DCDC1: variants seen among roughly 807,000 people sequenced by gnomAD.
DCDC1 encodes doublecortin domain containing 1.
DCDC1 carries 200 observed loss-of-function variants against 178.3 expected under a neutral mutation model. That is an observed-to-expected ratio of 1.12 (90% confidence interval 1.00 to 1.26). The LOEUF is 1.26. Ranked by LOEUF, DCDC1 falls within the 50% of genes most tolerant of loss-of-function variation. DCDC1 has a pLI of 0.00. For missense variants in DCDC1, 1,983 were observed against 1,749.2 expected, an observed-to-expected ratio of 1.13 and a Z score of -2.38; for synonymous variants, 690 against 604.8, an observed-to-expected ratio of 1.14 and a Z score of -2.07.
At chr11:31,314,296 T>C (rs574008517) in intron 3 of DCDC1, among the ~76,000 whole-genome samples, 3 of 152,336 alleles carry the variant, frequency 2.0e-5, no homozygotes, top group African/African-American at 7.2e-5. Flanking sequence ...ATTAATCATA[T>C]TACCTCATAA....
chr11:31,215,790 TA>T (rs746258622), intron 9 of DCDC1, among the ~76,000 whole-genome samples: 969 of 130,386 alleles, frequency 7.4e-3, no homozygotes, highest in Admixed American at 8.1e-3. Context: ...AGACTCCATC[TA>T]AAAAAAAAAA....
intron 20 of DCDC1, among the ~76,000 whole-genome samples, chr11:31,003,385 C>T (rs2135045724): frequency 1.3e-5 from 2 of 152,214 alleles, no homozygotes; most frequent in African/African-American, 4.8e-5. Context: ...CTATAATTTA[C>T]TGCTGTGGTT....
At chr11:31,006,872 G>T (rs1407260) in intron 20 of DCDC1, among the ~76,000 whole-genome samples, 1,641 of 152,220 alleles carry the variant, frequency 0.011, 31 homozygotes, top group African/African-American at 0.038. Context: ...TATGGTAGAA[G>T]AAAAAATATA....
intron 9 of DCDC1, among the ~76,000 whole-genome samples, chr11:31,158,843 A>G (rs985595656): frequency 6.6e-6 from 1 of 152,170 alleles, no homozygotes; most frequent in African/African-American, 2.4e-5. Flanking sequence ...TTATATCTAA[A>G]TAAGCCCCTC....
At chr11:30,990,176 T>A (rs1950893868) in intron 20 of DCDC1, among the ~76,000 whole-genome samples, 1 of 151,300 alleles carries the variant, frequency 6.6e-6, no homozygotes, top group Non-Finnish European at 1.5e-5. Flanking sequence ...TCAACTACAG[T>A]GGAACATATA....
intron 20 of DCDC1, among the ~76,000 whole-genome samples, chr11:31,013,595 T>C (rs757141655): frequency 1.0e-3 from 156 of 152,188 alleles, no homozygotes; most frequent in Non-Finnish European, 5.9e-4. Context: ...ATACAGTAGA[T>C]AATGTTCACA....
At chr11:31,074,180 C>G (rs1394209368) in intron 18 of DCDC1, among the ~76,000 whole-genome samples, 1 of 152,084 alleles carries the variant, frequency 6.6e-6, no homozygotes, top group African/African-American at 2.4e-5. Context: ...CAGTTCACAT[C>G]AGAGAGGGCA....
In DCDC1 at chr11:30,863,709, T is replaced by C. The variant is rs1940800052; in HGVS notation, c.*1664A>G. 1 of 152,248 alleles carries C rather than the reference T, an allele frequency of 6.6e-6. No individual in the cohort carries two copies. Among genetic ancestry groups the C allele is most frequent in the Non-Finnish European group, 1.5e-5 (1 of 68,040 alleles). 9.4% of individuals were successfully genotyped at this position (152,248 alleles called of 1,614,324 possible). On this transcript the variant is annotated 3_prime_UTR_variant, in exon 39 of 39. Transcript: ENST00000684477. ...CTGACGCGTATTTAGAAATCATCCA[T>C]TTGAGAAGTCCAGATTACGTATCCC...
Position 31,076,111 on chromosome 11 carries a change from A to G in DCDC1, c.2298+1754T>C, listed in dbSNP as rs1956849814. 2.0e-5 allele frequency among the ~76,000 whole-genome samples: 3 copies of G among 152,180 alleles called. No homozygotes were observed. The South Asian group carries it at 6.2e-4, about 32-fold the overall frequency. ...AGACCTCAGGTGATCCACCTGCCTC[A>G]GTCTCCCAAAGTGCTGGGAGTACAG... On this transcript the variant is annotated intron_variant, in intron 18 of 38. Coordinates refer to ENST00000684477, the MANE Select transcript of DCDC1 (RefSeq NM_001387274.1).
At position 31,002,934 on chromosome 11, in the gene DCDC1, C is replaced by G. The variant is rs1017687776; in HGVS notation, c.2592-50366G>C. 2.6e-5 allele frequency among the ~76,000 whole-genome samples: 4 copies of G among 152,106 alleles called. No homozygotes were observed. In the South Asian group the frequency reaches 6.2e-4, roughly 24 times the overall value. On this transcript the variant is annotated intron_variant, in intron 20 of 38. Coordinates refer to ENST00000684477, the MANE Select transcript of DCDC1 (RefSeq NM_001387274.1). ...ACATGCTACATACAAGAATCCCATTCAAAAGGCCATTAAGCTGTAAACTTT... is the reference window on the plus strand; with the variant it reads ...ACATGCTACATACAAGAATCCCATTGAAAAGGCCATTAAGCTGTAAACTTT...
chr11:31,009,974 A>G (rs553385472), intron 20 of DCDC1, among the ~76,000 whole-genome samples: 1 of 152,304 alleles, frequency 6.6e-6, no homozygotes, highest in African/African-American at 2.4e-5. Context: ...CACATTCACT[A>G]TCATGAGAAC....
intron 9 of DCDC1, among the ~76,000 whole-genome samples, chr11:31,233,054 C>T (rs919641965): frequency 3.3e-5 from 5 of 150,922 alleles, no homozygotes; most frequent in African/African-American, 1.2e-4. Flanking sequence ...TGCCACTGCA[C>T]TCCAGCCTGG....
At chr11:31,092,213 G>A (rs1177561914) in intron 16 of DCDC1, among the ~76,000 whole-genome samples, 2 of 152,088 alleles carry the variant, frequency 1.3e-5, no homozygotes, top group Admixed American at 6.6e-5. Flanking sequence ...CAATCTTAAA[G>A]GATTTTCAGA....
At chr11:31,204,175 C>A (rs955154589) in intron 9 of DCDC1, among the ~76,000 whole-genome samples, 2 of 152,134 alleles carry the variant, frequency 1.3e-5, no homozygotes, top group Non-Finnish European at 2.9e-5. Flanking sequence ...CCAACCACAG[C>A]ATGCCATTGG....
At chr11:31,011,914 G>T (rs554757543) in intron 20 of DCDC1, among the ~76,000 whole-genome samples, 1 of 152,108 alleles carries the variant, frequency 6.6e-6, no homozygotes, top group East Asian at 1.9e-4. Context: ...ATCTTATGTC[G>T]AATTGTAATC....
chr11:31,081,457 A>C (rs976112156), intron 17 of DCDC1, among the ~76,000 whole-genome samples: 3 of 152,050 alleles, frequency 2.0e-5, no homozygotes, highest in African/African-American at 7.2e-5. Context: ...AAAATACAAA[A>C]AAATTAGCCG....
At chr11:30,893,042 G>T (rs762119017) in intron 35 of DCDC1, 45 bp from the exon 36 acceptor site, 9 of 1,591,266 alleles carry the variant, frequency 5.7e-6, no homozygotes, top group Non-Finnish European at 7.7e-6. Context: ...AGAACTGTCT[G>T]GATAGTGTTT....
intron 5 of DCDC1, 25 bp from the exon 6 acceptor site, chr11:31,305,802 A>G: frequency 6.2e-7 from 1 of 1,608,250 alleles, no homozygotes; most frequent in Non-Finnish European, 8.5e-7. Context: ...GAGGTAAGTC[A>G]AAGTGATTTA....
Position 31,181,230 on chromosome 11 carries a change from TA to T in DCDC1, c.1222-43447del, listed in dbSNP as rs1202247931. 2.0e-5 allele frequency among the ~76,000 whole-genome samples: 3 copies of T among 152,224 alleles called. No individual in the cohort carries two copies. In the East Asian group the frequency reaches 5.8e-4, roughly 30 times the overall value. On this transcript the variant is annotated intron_variant, in intron 9 of 38. Transcript: ENST00000684477. ...GCAGCTCCAGTCAGGGGCTTATAGA[TA>T]AAACTCCCATTTCCATGGGACAGAG...
Sources: gnomAD v4.1 joint callset for allele counts (sites outside exome capture counted in the v4.1 genomes callset) on GRCh38, gnomAD v4.1.1 for gene constraint, MANE v1.5 for transcripts, NCBI Gene and HGNC (gene_info 2026-07-23, HGNC 2026-07-21) for gene names.